The following UPF1 variants were observed in gnomAD, a reference collection of about 807,000 sequenced individuals.
The protein encoded by UPF1 is UPF1 RNA helicase and ATPase.
UPF1 carries 9 observed loss-of-function variants against 129.2 expected under a neutral mutation model. The observed-to-expected ratio is 0.07, with a 90% CI of 0.04 to 0.12. The LOEUF (loss-of-function observed/expected upper bound fraction) is 0.12, where lower values mean the gene tolerates loss of function less well. Among genes scored for constraint, UPF1 ranks in the 10% least tolerant of loss-of-function variants. UPF1 has a pLI of 1.00. For missense variants in UPF1, 788 were observed against 1,525.3 expected (o/e 0.52, Z 8.05); for synonymous variants, 649 against 644.9 (o/e 1.01, Z -0.10).
At chr19:18,841,934 T>G (rs2145938413) in intron 1 of UPF1, among the ~76,000 whole-genome samples, 1 of 152,256 alleles carries the variant, frequency 6.6e-6, no homozygotes, top group South Asian at 2.1e-4. Flanking sequence ...GGCAACATAT[T>G]GAAAAATTAA....
intron 17 of UPF1, 92 bp downstream of exon 17, chr19:18,861,074 C>G (rs952890954): frequency 2.4e-5 from 35 of 1,448,726 alleles, no homozygotes; most frequent in Non-Finnish European, 3.1e-5. Context: ...GGGGCCCGTC[C>G]TGGCTGGAGC....
At position 18,860,441 on chromosome 19, in the gene UPF1, G is replaced by A; in HGVS notation, c.2300+3G>A. 2 of 1,613,622 alleles carry A rather than the reference G, an allele frequency of 1.2e-6. No homozygotes were observed. The highest frequency in any genetic ancestry group is 1.7e-6 in the Non-Finnish European group (2 of 1,179,658). On this transcript the variant is annotated splice_donor_region_variant and intron_variant, in intron 16 of 23. Coordinates refer to ENST00000262803, the MANE Select transcript of UPF1 (RefSeq NM_002911.4). Reference sequence around the variant, plus strand: ...TCGGGCACCTCCTACCTGAACAGGTGAGCAGGGACAGGCCCACCGGCGTCT... The same window carrying A: ...TCGGGCACCTCCTACCTGAACAGGTAAGCAGGGACAGGCCCACCGGCGTCT...
At chr19:18,862,465 T>G (rs1419206500) in intron 18 of UPF1, among the ~76,000 whole-genome samples, 1 of 152,162 alleles carries the variant, frequency 6.6e-6, no homozygotes, top group Non-Finnish European at 1.5e-5. Flanking sequence ...TTTTTGGTTC[T>G]AAAATACAAC....
intron 1 of UPF1, among the ~76,000 whole-genome samples, chr19:18,837,930 C>G (rs1320436723): frequency 6.6e-6 from 1 of 152,224 alleles, no homozygotes; most frequent in African/African-American, 2.4e-5. Context: ...TCGTCCAGCC[C>G]TCACTCTCCT....
In UPF1 at chr19:18,856,920, C is replaced by T. The variant is rs754596350; in HGVS notation, c.1868C>T (p.Pro623Leu). The stretch of plus-strand genomic sequence containing the variant: ...TGCACATGTGTGGGCGCCGGTGACC[C>T]GAGGCTGGCCAAGATGCAGTTCCGC... ...ICCTCVGAGDPRLAKMQFRSI... is the reference protein window; with the variant it reads ...ICCTCVGAGDLRLAKMQFRSI... Residue 623 changes from proline (P) to leucine (L), a missense_variant, in exon 14 of 24, where the codon CCG (proline) becomes CTG (leucine). Pro to Leu is a moderately conservative substitution (Grantham distance 98). Around this residue, in one of 6 missense-constraint regions of UPF1, gnomAD observed 140 missense variants for 385.9 expected, o/e 0.36. Coordinates refer to ENST00000262803, the MANE Select transcript of UPF1 (RefSeq NM_002911.4). The T allele has an allele frequency of 9.9e-6, 16 of 1,612,104 alleles. No individual in the cohort carries two copies. The highest frequency in any genetic ancestry group is 1.1e-5 in the South Asian group (1 of 91,002).
chr19:18,864,299 G>C (rs772506770), intron 20 of UPF1, 48 bp downstream of exon 20: 7 of 1,534,980 alleles, frequency 4.6e-6, no homozygotes, highest in Non-Finnish European at 6.3e-6. Flanking sequence ...CCTCACACCG[G>C]GATGCTGGCC....
At chr19:18,841,131 C>T (rs758198141) in intron 1 of UPF1, among the ~76,000 whole-genome samples, 5 of 152,274 alleles carry the variant, frequency 3.3e-5, no homozygotes, top group African/African-American at 7.2e-5. Flanking sequence ...AGCCCTGCTG[C>T]ATCCTCCGTG....
At chr19:18,859,106 C>T (rs1601123265) in intron 15 of UPF1, among the ~76,000 whole-genome samples, 1 of 152,216 alleles carries the variant, frequency 6.6e-6, no homozygotes, top group South Asian at 2.1e-4. Context: ...ACCGCTGTTC[C>T]CAGCGCATGG....
intron 1 of UPF1, among the ~76,000 whole-genome samples, chr19:18,844,817 T>C (rs1224464292): frequency 6.6e-6 from 1 of 152,264 alleles, no homozygotes; most frequent in Non-Finnish European, 1.5e-5. Context: ...CCTCATTTCA[T>C]GATAGTTCCT....
intron 6 of UPF1, 41 bp downstream of exon 6, chr19:18,852,337 C>G: frequency 1.9e-6 from 3 of 1,604,688 alleles, no homozygotes; most frequent in Non-Finnish European, 2.5e-6. Context: ...TGGGCTCTGG[C>G]TCTCACAGCT....
chr19:18,864,701 C>T (rs1039280672), intron 20 of UPF1, among the ~76,000 whole-genome samples: 6 of 142,898 alleles, frequency 4.2e-5, no homozygotes, highest in African/African-American at 1.3e-4. Flanking sequence ...GGATTACAGG[C>T]GTGAGTCACT....
Position 18,864,216 on chromosome 19 carries a change from T to C in UPF1, c.2822T>C (p.Ile941Thr). Reference sequence around the variant, plus strand: ...GCCATGTATGATGCCCGGGAGGCCATCATCCCAGGCTCCGTCTATGATCGG... The same window carrying C: ...GCCATGTATGATGCCCGGGAGGCCACCATCCCAGGCTCCGTCTATGATCGG... ...TTAMYDAREAIIPGSVYDRSS... is the reference protein window; with the variant it reads ...TTAMYDAREATIPGSVYDRSS... Residue 941 changes from isoleucine to threonine, a missense_variant, in exon 20 of 24, where the codon ATC becomes ACC. This residue lies in a region of UPF1 where 218 missense variants were observed against 318.1 expected (regional missense o/e 0.69). Coordinates refer to ENST00000262803, the MANE Select transcript of UPF1 (RefSeq NM_002911.4). The C allele has an allele frequency of 1.2e-6, 2 of 1,613,762 alleles. No individual in the cohort carries two copies. The highest frequency in any genetic ancestry group is 1.7e-6 in the Non-Finnish European group (2 of 1,179,796).
At chr19:18,858,455 C>G (rs1033797183) in intron 15 of UPF1, among the ~76,000 whole-genome samples, 7 of 151,920 alleles carry the variant, frequency 4.6e-5, no homozygotes, top group Admixed American at 1.3e-4. Context: ...GGTGGGAGAT[C>G]CTTCCTGAAT....
At chr19:18,862,228 G>A in intron 18 of UPF1, 76 bp downstream of exon 18, 1 of 1,573,372 alleles carries the variant, frequency 6.4e-7, no homozygotes, top group Non-Finnish European at 8.6e-7. Context: ...GGCTAGGGTT[G>A]GGGGTTGCCA....
chr19:18,843,835 T>G (rs184443948), intron 1 of UPF1, among the ~76,000 whole-genome samples: 46 of 152,092 alleles, frequency 3.0e-4, no homozygotes, highest in African/African-American at 1.1e-3. Flanking sequence ...GGCCTTGACC[T>G]GCTGGGGTCA....
intron 23 of UPF1, 104 bp downstream of exon 23, chr19:18,866,270 G>T (rs899787348): frequency 3.5e-6 from 5 of 1,428,872 alleles, no homozygotes; most frequent in African/African-American, 2.9e-5. Flanking sequence ...ATCTGGAAAT[G>T]TGTGCTGTGC....
chr19:18,839,651 CTGTT>C (rs1222361312), intron 1 of UPF1, among the ~76,000 whole-genome samples: 1 of 152,312 alleles, frequency 6.6e-6, no homozygotes, highest in African/African-American at 2.4e-5. Flanking sequence ...AGCCCCGTGT[CTGTT>C]AACTTTTGCA....
Position 18,853,061 on chromosome 19 carries a change from G to C in UPF1, c.1047G>C (p.Lys349Asn). 1.2e-6 allele frequency: 2 copies of C among 1,614,162 alleles called. No homozygotes were observed. Among genetic ancestry groups the C allele is most frequent in the Non-Finnish European group, 1.7e-6 (2 of 1,180,032 alleles). Residue 349 changes from lysine to asparagine, a missense_variant, in exon 7 of 24, where the codon AAG (lysine) becomes AAC (asparagine). Transcript: ENST00000262803. The surrounding 1 kb of genome is among the most constrained non-coding windows in gnomAD (Gnocchi z 4.4). The stretch of plus-strand genomic sequence containing the variant: ...GAATCGCCTACTTCACTTTGCCCAA[G>C]ACTGACTCTGGTAATGAGGATTTAG... ...KKRIAYFTLPKTDSDMRLMQG... is the reference protein window; with the variant it reads ...KKRIAYFTLPNTDSDMRLMQG...
chr19:18,842,815 C>T (rs2145939585), intron 1 of UPF1, among the ~76,000 whole-genome samples: 1 of 152,094 alleles, frequency 6.6e-6, no homozygotes, highest in South Asian at 2.1e-4. Context: ...GCCAGACCAA[C>T]ATGGAGAAAC....
Sources: allele counts gnomAD v4.1 joint callset (sites outside exome capture counted in the v4.1 genomes callset), GRCh38; gene constraint gnomAD v4.1.1; regional missense constraint gnomAD v4.1.1; non-coding constraint Gnocchi (gnomAD v3.1); transcripts MANE v1.5; gene names NCBI Gene and HGNC (gene_info 2026-07-23, HGNC 2026-07-21).